DGKB: variants seen among roughly 807,000 people sequenced by gnomAD.
The protein encoded by DGKB is 90 kDa diacylglycerol kinase.
A neutral mutation model predicts 114.3 loss-of-function variants in DGKB; 67 were observed. The ratio of observed to expected loss-of-function variants is 0.59; its 90% CI spans 0.48 to 0.72. The LOEUF is 0.72. Ranked by LOEUF, DGKB falls within the 30% of genes least tolerant of loss-of-function variation. The pLI, the probability that DGKB is intolerant of heterozygous loss-of-function variation, is 0.00. For synonymous variants in DGKB, 398 were observed against 323.1 expected, an observed-to-expected ratio of 1.23 and a Z score of -2.49; for missense variants, 907 against 975.2, an observed-to-expected ratio of 0.93 and a Z score of 0.93.
Position 14,923,983 on chromosome 7 carries a change from C to CAAAAAAAAAAAAAAAAAAAAAA in DGKB, c.-188+50712_-188+50713insTTTTTTTTTTTTTTTTTTTTTT, listed in dbSNP as rs56032330. Among the ~76,000 whole-genome samples, 38 of 76,162 alleles carry CAAAAAAAAAAAAAAAAAAAAAA rather than the reference C, an allele frequency of 5.0e-4. 1 individual carries two copies. Among genetic ancestry groups the CAAAAAAAAAAAAAAAAAAAAAA allele is most frequent in the African/African-American group, 2.6e-3 (35 of 13,700 alleles). The allele number at this position is 76,162 out of a possible 152,430, so 50.0% of individuals were successfully genotyped here. ...TGGGCAACACAGTGAAGCTCCATCT[C>CAAAAAAAAAAAAAAAAAAAAAA]AAAAAAAAAAAAAAAAAAAAAGCTT... is the stretch of plus-strand genomic sequence containing the variant. On this transcript the variant is annotated intron_variant, in intron 1 of 4. Transcript: ENST00000437998.
At chr7:14,401,129 G>T (rs955772640) in intron 21 of DGKB, among the ~76,000 whole-genome samples, 1 of 151,818 alleles carries the variant, frequency 6.6e-6, no homozygotes, top group African/African-American at 2.4e-5. Flanking sequence ...TTTAACTTTT[G>T]GCTCAAGGTT....
At chr7:14,930,741 T>C (rs1271175095) in intron 1 of DGKB, among the ~76,000 whole-genome samples, 2 of 152,126 alleles carry the variant, frequency 1.3e-5, no homozygotes, top group African/African-American at 4.8e-5. Context: ...TCCAGTAGTA[T>C]GTTAAATAGG....
intron 21 of DGKB, among the ~76,000 whole-genome samples, chr7:14,476,280 A>G (rs1242565682): frequency 6.6e-6 from 1 of 152,090 alleles, no homozygotes; most frequent in Non-Finnish European, 1.5e-5. Flanking sequence ...TTTGAGGTGT[A>G]TAATCAAGTG....
At chr7:14,461,055 G>A (rs1833001936) in intron 21 of DGKB, among the ~76,000 whole-genome samples, 1 of 152,098 alleles carries the variant, frequency 6.6e-6, no homozygotes, top group African/African-American at 2.4e-5. Flanking sequence ...AAATCAATTA[G>A]AACAAAGACA....
At chr7:14,720,630 A>C in intron 5 of DGKB, among the ~76,000 whole-genome samples, 1 of 152,100 alleles carries the variant, frequency 6.6e-6, no homozygotes, top group East Asian at 1.9e-4. Flanking sequence ...GGCGTGAGCC[A>C]CCATGCCCGG....
intron 20 of DGKB, among the ~76,000 whole-genome samples, chr7:14,502,644 T>C (rs962255949): frequency 1.3e-5 from 2 of 152,076 alleles, no homozygotes; most frequent in African/African-American, 2.4e-5. Flanking sequence ...GATAGAAATA[T>C]AGAGATCGCA....
intron 20 of DGKB, among the ~76,000 whole-genome samples, chr7:14,507,955 C>A (rs1210977040): frequency 6.6e-6 from 1 of 152,110 alleles, no homozygotes; most frequent in Non-Finnish European, 1.5e-5. Context: ...TGAGTTAGAT[C>A]AATTATTTAA....
intron 13 of DGKB, among the ~76,000 whole-genome samples, chr7:14,646,967 TA>T (rs911291346): frequency 4.0e-5 from 6 of 150,952 alleles, no homozygotes; most frequent in African/African-American, 1.5e-4. Flanking sequence ...AAAAAAATAA[TA>T]AAGATCAAAG....
chr7:14,245,667 C>A (rs1584699188), intron 23 of DGKB, among the ~76,000 whole-genome samples: 5 of 152,162 alleles, frequency 3.3e-5, no homozygotes, highest in Admixed American at 3.3e-4. Context: ...ACGGCTGACG[C>A]CTGTAATCCT....
intron 15 of DGKB, among the ~76,000 whole-genome samples, chr7:14,619,403 C>A (rs1450527226): frequency 3.3e-5 from 5 of 151,356 alleles, no homozygotes; most frequent in Non-Finnish European, 7.4e-5. Context: ...AAAATAAAAT[C>A]AAACATATTA....
chr7:14,552,974 A>T (rs1795318214), intron 20 of DGKB, among the ~76,000 whole-genome samples: 1 of 152,250 alleles, frequency 6.6e-6, no homozygotes, highest in Non-Finnish European at 1.5e-5. Flanking sequence ...CTTAAGGCTG[A>T]TAGTGACGGC....
intron 9 of DGKB, among the ~76,000 whole-genome samples, chr7:14,687,199 T>G (rs1821858986): frequency 3.3e-5 from 5 of 152,138 alleles, no homozygotes; most frequent in African/African-American, 7.2e-5. Flanking sequence ...CAAAGTCTAT[T>G]GTCTCTGACT....
chr7:14,750,562 T>A (rs1463724976), intron 4 of DGKB, among the ~76,000 whole-genome samples: 1 of 152,124 alleles, frequency 6.6e-6, no homozygotes, highest in African/African-American at 2.4e-5. Flanking sequence ...ACTGCTTCCA[T>A]AACTCATATC....
intron 19 of DGKB, 33 bp from the exon 20 acceptor site, chr7:14,574,405 A>C: frequency 1.3e-6 from 2 of 1,565,250 alleles, no homozygotes; most frequent in Admixed American, 3.7e-5. Flanking sequence ...TGAGAAAAGA[A>C]CTCTAACCAA....
intron 20 of DGKB, among the ~76,000 whole-genome samples, chr7:14,518,185 A>G (rs926658686): frequency 6.6e-6 from 1 of 152,152 alleles, no homozygotes; most frequent in African/African-American, 2.4e-5. Context: ...ACTAGAGGCC[A>G]TTATCCTCAG....
chr7:14,677,403 C>A (rs1820058378), intron 12 of DGKB, among the ~76,000 whole-genome samples: 3 of 151,932 alleles, frequency 2.0e-5, no homozygotes, highest in Admixed American at 2.0e-4. Flanking sequence ...TAATATTTTG[C>A]AGTTTGGGGT....
chr7:14,269,810 G>C (rs1486416589), intron 23 of DGKB, among the ~76,000 whole-genome samples: 3 of 152,046 alleles, frequency 2.0e-5, no homozygotes, highest in African/African-American at 7.2e-5. Context: ...ATTGTAATAT[G>C]ATTTTAGTCC....
intron 17 of DGKB, among the ~76,000 whole-genome samples, chr7:14,584,565 T>C (rs796097501): frequency 2.6e-5 from 4 of 152,286 alleles, no homozygotes; most frequent in African/African-American, 9.6e-5. Context: ...GTTCAGCATA[T>C]TTTTATACAT....
chr7:14,382,982 C>T (rs181983372), intron 21 of DGKB, among the ~76,000 whole-genome samples: 39 of 152,242 alleles, frequency 2.6e-4, no homozygotes, highest in Admixed American at 2.3e-3. Context: ...AGGCGAGAAA[C>T]GGAATAACCT....
Sources: gnomAD v4.1 joint callset for allele counts (sites outside exome capture counted in the v4.1 genomes callset) on GRCh38, gnomAD v4.1.1 for gene constraint, MANE v1.5 for transcripts, NCBI Gene and HGNC (gene_info 2026-07-23, HGNC 2026-07-21) for gene names.